SLC1A1: variants seen among roughly 807,000 people sequenced by gnomAD.
SLC1A1 encodes the protein solute carrier family 1 member 1.
SLC1A1 carries 43 observed loss-of-function variants against 53.3 expected under a neutral mutation model. The observed-to-expected ratio is 0.81, with a 90% CI of 0.63 to 1.04. The LOEUF (loss-of-function observed/expected upper bound fraction) is 1.04. SLC1A1 is among the 50% of genes least tolerant of loss of function. SLC1A1 has a pLI of 0.00. For synonymous variants in SLC1A1, 307 were observed against 243.2 expected, an observed-to-expected ratio of 1.26 and a Z score of -2.44; for missense variants, 748 against 664.9, an observed-to-expected ratio of 1.12 and a Z score of -1.37.
chr9:4,531,495 A>G lies in SLC1A1; in HGVS notation c.92-13072A>G, dbSNP rs183461511. Among the ~76,000 whole-genome samples the G allele has an allele frequency of 4.3e-3, 659 of 152,310 alleles. 5 individuals carry two copies. Among genetic ancestry groups the G allele is most frequent in the African/African-American group, 0.015 (615 of 41,576 alleles). ...GTCTGAGATCAAACTGCAAGGCAGC[A>G]GCGAGACTGGGGGAGGGGCGCCCAT... On this transcript the variant is annotated intron_variant, in intron 1 of 11. Transcript: ENST00000262352.
At position 4,583,880 on chromosome 9, in the gene SLC1A1, TCTCACA is replaced by T. The variant is rs1353130587; in HGVS notation, c.1328+710_1328+715del. 2.4e-3 allele frequency among the ~76,000 whole-genome samples: 322 copies of T among 131,706 alleles called. 1 individual carries two copies. Among genetic ancestry groups the T allele is most frequent in the African/African-American group, 0.01 (309 of 30,018 alleles). 86.4% of individuals were successfully genotyped at this position (131,706 alleles called of 152,430 possible). On this transcript the variant is annotated intron_variant, in intron 11 of 11. Coordinates refer to ENST00000262352, the MANE Select transcript of SLC1A1 (RefSeq NM_004170.6). The surrounding 1 kb of genome is among the most constrained non-coding windows in gnomAD (Gnocchi z 4.6). ...CTCTCTCTCTCTCTCTCTCTCTCTC[TCTCACA>T]CACACACACACACACACACACACAC...
chr9:4,545,015 C>G lies in SLC1A1; in HGVS notation c.232+308C>G, dbSNP rs1444895089. 2.6e-5 allele frequency among the ~76,000 whole-genome samples: 4 copies of G among 152,266 alleles called. No individual in the cohort carries two copies. In the East Asian group the frequency reaches 7.7e-4, roughly 29 times the overall value. On this transcript the variant is annotated intron_variant, in intron 2 of 11. Coordinates refer to ENST00000262352, the MANE Select transcript of SLC1A1 (RefSeq NM_004170.6). ...CATGGGAGAAACTGCCACTATGATT[C>G]AATTACCTCCACCTGGTCTCTCCCT...
chr9:4,538,703 C>T (rs533872870), intron 1 of SLC1A1, among the ~76,000 whole-genome samples: 2 of 152,310 alleles, frequency 1.3e-5, no homozygotes, highest in Non-Finnish European at 2.9e-5. Flanking sequence ...GCTTTATGGA[C>T]TCCAGCATCT....
chr9:4,585,144 T>C (rs1821474288), intron 11 of SLC1A1, among the ~76,000 whole-genome samples, 168 bp from the exon 12 acceptor site: 1 of 152,190 alleles, frequency 6.6e-6, no homozygotes, highest in African/African-American at 2.4e-5. Context: ...GCTGTGCCTT[T>C]ATGAACAACC....
intron 10 of SLC1A1, among the ~76,000 whole-genome samples, chr9:4,578,659 A>G (rs1040858330): frequency 6.6e-6 from 1 of 152,234 alleles, no homozygotes; most frequent in Admixed American, 6.5e-5. Context: ...TAGTGAAATG[A>G]GGATAGACAT....
chr9:4,569,071 A>G (rs1239970891), intron 6 of SLC1A1, among the ~76,000 whole-genome samples: 1 of 152,166 alleles, frequency 6.6e-6, no homozygotes, highest in African/African-American at 2.4e-5. Flanking sequence ...AGAGTCGACC[A>G]CAAAGAGCAA....
chr9:4,530,491 T>C (rs1474550128), intron 1 of SLC1A1, among the ~76,000 whole-genome samples: 2 of 152,112 alleles, frequency 1.3e-5, no homozygotes, highest in African/African-American at 4.8e-5. Context: ...AGAAAACTAG[T>C]TTTTCCTGCA....
chr9:4,539,754 T>G (rs183295512), intron 1 of SLC1A1, among the ~76,000 whole-genome samples: 160 of 152,236 alleles, frequency 1.1e-3, no homozygotes, highest in African/African-American at 3.8e-3. Context: ...GTATTTTTAG[T>G]AGAGATGGGG....
chr9:4,545,641 ACC>A (rs1402221813), intron 2 of SLC1A1, among the ~76,000 whole-genome samples: 1 of 152,184 alleles, frequency 6.6e-6, no homozygotes, highest in Non-Finnish European at 1.5e-5. Context: ...TGCTGTGGGG[ACC>A]AGCAGTCAAG....
intron 1 of SLC1A1, among the ~76,000 whole-genome samples, chr9:4,493,169 A>G (rs1367561975): frequency 6.6e-6 from 1 of 152,246 alleles, no homozygotes; most frequent in Non-Finnish European, 1.5e-5. Flanking sequence ...TCAAGTGCCC[A>G]GCTGAAATCT....
chr9:4,578,577 A>G (rs1434893360), intron 10 of SLC1A1, among the ~76,000 whole-genome samples: 2 of 152,218 alleles, frequency 1.3e-5, no homozygotes, highest in Non-Finnish European at 2.9e-5. Context: ...AAACCTTGGT[A>G]TCATGGAAAC....
chr9:4,493,474 C>T (rs1387297510), intron 1 of SLC1A1, among the ~76,000 whole-genome samples: 1 of 152,156 alleles, frequency 6.6e-6, no homozygotes, highest in African/African-American at 2.4e-5. Context: ...CTTAACTGAT[C>T]CAGAAAAATC....
intron 6 of SLC1A1, among the ~76,000 whole-genome samples, chr9:4,569,578 T>A (rs1156703011): frequency 6.6e-6 from 1 of 152,236 alleles, no homozygotes; most frequent in Non-Finnish European, 1.5e-5. Context: ...TCTCTCAACT[T>A]CACACAGGAA....
chr9:4,572,454 G>T, intron 7 of SLC1A1, 66 bp downstream of exon 7: 1 of 1,398,550 alleles, frequency 7.2e-7, no homozygotes, highest in Non-Finnish European at 1.0e-6. Context: ...AAATTAGAAA[G>T]AAGAGGTTTT....
chr9:4,542,251 G>T (rs539702266), intron 1 of SLC1A1, among the ~76,000 whole-genome samples: 98 of 152,238 alleles, frequency 6.4e-4, no homozygotes, highest in African/African-American at 2.4e-3. Flanking sequence ...TCAATTTCAA[G>T]AACAAGCTTG....
intron 1 of SLC1A1, among the ~76,000 whole-genome samples, chr9:4,506,283 A>C (rs913538938): frequency 1.8e-4 from 27 of 152,222 alleles, no homozygotes; most frequent in Admixed American, 1.7e-3. Flanking sequence ...CTATCCTGCC[A>C]GTGCTTTAGA....
chr9:4,523,211 G>A (rs1173521235), intron 1 of SLC1A1, among the ~76,000 whole-genome samples: 1 of 152,068 alleles, frequency 6.6e-6, no homozygotes, highest in African/African-American at 2.4e-5. Context: ...TTGAGGGAAG[G>A]GTCTTACATC....
At chr9:4,570,320 A>G (rs1344097772) in intron 6 of SLC1A1, among the ~76,000 whole-genome samples, 1 of 152,104 alleles carries the variant, frequency 6.6e-6, no homozygotes, top group African/African-American at 2.4e-5. Context: ...TTTTCCCTAA[A>G]TATATGTTTG....
At chr9:4,570,416 G>C (rs530924756) in intron 6 of SLC1A1, among the ~76,000 whole-genome samples, 36 of 151,742 alleles carry the variant, frequency 2.4e-4, no homozygotes, top group Non-Finnish European at 5.0e-4. Context: ...CTATCGCCCA[G>C]GCTGGAGTGC....
Sources: allele counts gnomAD v4.1 joint callset (sites outside exome capture counted in the v4.1 genomes callset), GRCh38; gene constraint gnomAD v4.1.1; non-coding constraint Gnocchi (gnomAD v3.1); transcripts MANE v1.5; gene names NCBI Gene and HGNC (gene_info 2026-07-23, HGNC 2026-07-21).